Variants in PLXNC1 observed in about 807,000 individuals in gnomAD.
PLXNC1 encodes the protein plexin-C1.
A neutral mutation model predicts 178.2 loss-of-function variants in PLXNC1; 75 were observed. The ratio of observed to expected loss-of-function variants is 0.42; its 90% confidence interval spans 0.35 to 0.51. The LOEUF (loss-of-function observed/expected upper bound fraction) is 0.51, where lower values mean the gene tolerates loss of function less well. Among genes scored for constraint, PLXNC1 ranks in the 20% least tolerant of loss-of-function variants. PLXNC1 has a pLI of 0.02. For missense variants in PLXNC1, 1,503 were observed against 1,984.4 expected, an observed-to-expected ratio of 0.76 and a Z score of 4.61; for synonymous variants, 790 against 779.9, an observed-to-expected ratio of 1.01 and a Z score of -0.22.
chr12:94,202,778 G>A (rs544186478), intron 4 of PLXNC1, among the ~76,000 whole-genome samples: 2 of 152,294 alleles, frequency 1.3e-5, no homozygotes, highest in South Asian at 4.1e-4. Flanking sequence ...GCAGTCTAGA[G>A]AGATAGACTC....
intron 2 of PLXNC1, among the ~76,000 whole-genome samples, chr12:94,170,900 T>A (rs1961817684): frequency 6.6e-6 from 1 of 152,220 alleles, no homozygotes; most frequent in Non-Finnish European, 1.5e-5. Context: ...CTGGGTGACG[T>A]CTGTAGCTCC....
chr12:94,154,101 A>G (rs1331319404), intron 1 of PLXNC1, among the ~76,000 whole-genome samples: 1 of 152,246 alleles, frequency 6.6e-6, no homozygotes, highest in Non-Finnish European at 1.5e-5. Flanking sequence ...GGGGAAAGCA[A>G]TCATAGCTAC....
At chr12:94,202,226 A>G (rs1963153873) in intron 4 of PLXNC1, among the ~76,000 whole-genome samples, 2 of 152,110 alleles carry the variant, frequency 1.3e-5, no homozygotes, top group African/African-American at 4.8e-5. Context: ...TTGTCTGTTT[A>G]TTTGGTTTTT....
At chr12:94,264,938 C>A in intron 20 of PLXNC1, 141 bp from the exon 21 acceptor site, 1 of 820,940 alleles carries the variant, frequency 1.2e-6, no homozygotes, top group South Asian at 1.8e-5. Context: ...AGTGGAGCAA[C>A]GTGTATTTTC....
chr12:94,189,128 T>C (rs986063919), intron 4 of PLXNC1, among the ~76,000 whole-genome samples: 3 of 152,252 alleles, frequency 2.0e-5, no homozygotes, highest in Non-Finnish European at 2.9e-5. Flanking sequence ...TCAAGCTGCG[T>C]TCAGCTTTGG....
intron 4 of PLXNC1, among the ~76,000 whole-genome samples, chr12:94,195,346 T>G (rs1286199639): frequency 6.6e-6 from 1 of 152,164 alleles, no homozygotes; most frequent in Non-Finnish European, 1.5e-5. Flanking sequence ...GTCAGTTACT[T>G]GGTGGCTATT....
intron 4 of PLXNC1, among the ~76,000 whole-genome samples, chr12:94,187,358 A>T (rs3847811): frequency 6.6e-6 from 1 of 151,940 alleles, no homozygotes; most frequent in Non-Finnish European, 1.5e-5. Context: ...GAAGGGGGAG[A>T]CAGCCAAGAG....
rs1245148821 is a variant in PLXNC1 at position 94,209,471 on chromosome 12, A to G, written c.1440-119A>G. 11 of 680,622 alleles carry G rather than the reference A, an allele frequency of 1.6e-5. No homozygotes were observed. The African/African-American group carries it at 1.8e-4, about 11-fold the overall frequency. The allele number at this position is 680,622 out of a possible 1,614,324, so 42.2% of individuals were successfully genotyped here. On this transcript the variant is annotated intron_variant, in intron 4 of 30. Transcript: ENST00000258526. ...CGCTCAAATCAATAATCCACTGTAC[A>G]AGGTCTGGCATTTTGTACTGAAGCC...
intron 2 of PLXNC1, among the ~76,000 whole-genome samples, chr12:94,174,970 A>C (rs922886718): frequency 4.6e-5 from 7 of 152,244 alleles, no homozygotes; most frequent in Admixed American, 2.0e-4. Flanking sequence ...TGCTTCTCTT[A>C]CTACCTACAC....
intron 4 of PLXNC1, among the ~76,000 whole-genome samples, chr12:94,198,681 G>A (rs781563007): frequency 6.6e-6 from 1 of 152,114 alleles, no homozygotes; most frequent in Non-Finnish European, 1.5e-5. Context: ...GGCTATAGGG[G>A]CAAATCCTTC....
chr12:94,293,002 C>T (rs1016061335), intron 23 of PLXNC1, among the ~76,000 whole-genome samples: 3 of 152,256 alleles, frequency 2.0e-5, no homozygotes, highest in East Asian at 1.9e-4. Context: ...TAATCACTAC[C>T]GCTGCTCTCT....
intron 19 of PLXNC1, 61 bp downstream of exon 19, chr12:94,259,795 G>C (rs764082009): frequency 1.4e-6 from 2 of 1,459,476 alleles, no homozygotes; most frequent in Middle Eastern, 1.8e-4. Context: ...CGGGCATGGT[G>C]GCTCATGGCT....
At chr12:94,185,557 G>A (rs1414856958) in intron 3 of PLXNC1, among the ~76,000 whole-genome samples, 1 of 152,222 alleles carries the variant, frequency 6.6e-6, no homozygotes, top group Non-Finnish European at 1.5e-5. Context: ...CAGCTGGGGT[G>A]CCCTCTTTGT....
intron 21 of PLXNC1, among the ~76,000 whole-genome samples, chr12:94,276,163 T>C (rs553938834): frequency 6.6e-6 from 1 of 152,326 alleles, no homozygotes; most frequent in Admixed American, 6.5e-5. Flanking sequence ...GAATGCTGTT[T>C]CACAAATATT....
At chr12:94,217,741 A>G (rs1963685700) in intron 5 of PLXNC1, among the ~76,000 whole-genome samples, 1 of 152,168 alleles carries the variant, frequency 6.6e-6, no homozygotes, top group South Asian at 2.1e-4. Flanking sequence ...ATCTTAGCTC[A>G]GTCATTTCTT....
intron 21 of PLXNC1, among the ~76,000 whole-genome samples, chr12:94,275,100 C>T (rs1965834395): frequency 6.6e-6 from 1 of 152,168 alleles, no homozygotes; most frequent in Non-Finnish European, 1.5e-5. Context: ...GTCCAGGTGG[C>T]CCGGTGCTGG....
At chr12:94,163,920 C>T (rs1271902692) in intron 1 of PLXNC1, among the ~76,000 whole-genome samples, 1 of 152,180 alleles carries the variant, frequency 6.6e-6, no homozygotes, top group Non-Finnish European at 1.5e-5. Context: ...TCCTTTCCAT[C>T]TCCTTAGCTG....
At chr12:94,257,904 G>C (rs1964896510) in intron 17 of PLXNC1, among the ~76,000 whole-genome samples, 1 of 127,686 alleles carries the variant, frequency 7.8e-6, no homozygotes, top group Non-Finnish European at 1.6e-5. Flanking sequence ...GCGAGACTCT[G>C]TCTCAAAAAA....
intron 17 of PLXNC1, 29 bp from the exon 18 acceptor site, chr12:94,259,308 G>T: frequency 6.5e-7 from 1 of 1,539,154 alleles, no homozygotes; most frequent in South Asian, 1.2e-5. Context: ...TGGATGTTAT[G>T]AATAATAAAA....
Sources: gnomAD v4.1 joint callset for allele counts (sites outside exome capture counted in the v4.1 genomes callset) on GRCh38, gnomAD v4.1.1 for gene constraint, MANE v1.5 for transcripts, NCBI Gene and HGNC (gene_info 2026-07-23, HGNC 2026-07-21) for gene names.